PKIB: variants seen among roughly 807,000 people sequenced by gnomAD.
PKIB encodes PKI-beta.
PKIB carries 2 observed loss-of-function variants against 4.5 expected under a neutral mutation model. The observed-to-expected ratio is 0.44, with a 90% CI of 0.18 to 1.39. The LOEUF is 1.39. Among genes scored for constraint, PKIB ranks in the 40% most tolerant of loss-of-function variants. The pLI is 0.27. For missense variants in PKIB, 94 were observed against 92.6 expected (o/e 1.02, Z -0.06); for synonymous variants, 38 against 36.0 (o/e 1.06, Z -0.20).
intron 3 of PKIB, among the ~76,000 whole-genome samples, chr6:122,707,834 A>G (rs1396057425): frequency 6.6e-6 from 1 of 152,192 alleles, no homozygotes; most frequent in African/African-American, 2.4e-5. Flanking sequence ...CTGGCAGGTT[A>G]TGCACCAGAA....
chr6:122,503,829 C>T (rs1349092249), intron 2 of PKIB, among the ~76,000 whole-genome samples: 1 of 152,128 alleles, frequency 6.6e-6, no homozygotes, highest in Non-Finnish European at 1.5e-5. Flanking sequence ...ACTGGGGACT[C>T]TGACACCAAA....
intron 2 of PKIB, among the ~76,000 whole-genome samples, chr6:122,488,033 A>C (rs1355090529): frequency 6.6e-6 from 1 of 152,162 alleles, no homozygotes; most frequent in Non-Finnish European, 1.5e-5. Context: ...ATATGTTTTT[A>C]GACTGTAAAT....
chr6:122,699,225 A>G (rs1344619251), intron 3 of PKIB, among the ~76,000 whole-genome samples: 3 of 151,046 alleles, frequency 2.0e-5, no homozygotes, highest in Non-Finnish European at 4.4e-5. Context: ...CAATGTGCAC[A>G]TGTACCCTAA....
chr6:122,551,512 TC>T (rs1348309512), intron 2 of PKIB, among the ~76,000 whole-genome samples: 1 of 152,188 alleles, frequency 6.6e-6, no homozygotes, highest in African/African-American at 2.4e-5. Flanking sequence ...TGAACTTTCT[TC>T]TCCCACTAAG....
intron 3 of PKIB, among the ~76,000 whole-genome samples, chr6:122,601,753 T>C (rs1265437597): frequency 6.6e-6 from 1 of 152,174 alleles, no homozygotes; most frequent in African/African-American, 2.4e-5. Context: ...GCTTACTTTA[T>C]CAGTATATAG....
At chr6:122,677,878 CCTTCCTTCCTTCCTTTCTTT>C (rs1255898003) in intron 3 of PKIB, among the ~76,000 whole-genome samples, 20 of 105,174 alleles carry the variant, frequency 1.9e-4, no homozygotes, top group African/African-American at 6.1e-4. Context: ...TTCCTTCCTT[CCTTCCTTCCTTCCTTTCTTT>C]CTTTCTTTCC....
At chr6:122,556,011 G>A (rs1295581013) in intron 2 of PKIB, among the ~76,000 whole-genome samples, 1 of 152,128 alleles carries the variant, frequency 6.6e-6, no homozygotes, top group Admixed American at 6.5e-5. Context: ...GGTTCTGTGT[G>A]CCCACCCAAA....
intron 2 of PKIB, among the ~76,000 whole-genome samples, chr6:122,541,226 T>G (rs563876290): frequency 1.3e-5 from 2 of 152,152 alleles, no homozygotes; most frequent in Non-Finnish European, 2.9e-5. Flanking sequence ...CCTGTCATTA[T>G]GATGTTAGCT....
chr6:122,621,703 G>A (rs1775236244), intron 1 of PKIB, among the ~76,000 whole-genome samples: 1 of 152,220 alleles, frequency 6.6e-6, no homozygotes, highest in Admixed American at 6.5e-5. Context: ...AGGAGATGTA[G>A]CTGGAAATTT....
intron 1 of PKIB, among the ~76,000 whole-genome samples, chr6:122,477,039 C>T (rs562054225): frequency 3.2e-4 from 49 of 152,042 alleles, no homozygotes; most frequent in South Asian, 2.7e-3. Flanking sequence ...TTAAAAGAAA[C>T]GGATGAAATT....
intron 2 of PKIB, among the ~76,000 whole-genome samples, chr6:122,496,213 A>G (rs1198023946): frequency 1.3e-5 from 2 of 152,216 alleles, no homozygotes; most frequent in Non-Finnish European, 2.9e-5. Flanking sequence ...GGCATAGTAT[A>G]AAATCTGAAG....
In PKIB at chr6:122,516,462, C is replaced by T. The variant is rs189509649; in HGVS notation, c.-248+38523C>T. Reference sequence around the variant, plus strand: ...CACTTGTTCGAGTTCTTGCCTTCAACTTCCAAGACCTTTGTTGCCTACTGT... The same window carrying T: ...CACTTGTTCGAGTTCTTGCCTTCAATTTCCAAGACCTTTGTTGCCTACTGT... On this transcript the variant is annotated intron_variant, in intron 2 of 6. Coordinates refer to the PKIB transcript ENST00000392491. Among the ~76,000 whole-genome samples the T allele has an allele frequency of 8.2e-4, 125 of 152,332 alleles. 1 individual carries two copies. The highest frequency in any genetic ancestry group is 2.9e-3 in the African/African-American group (120 of 41,584).
intron 2 of PKIB, among the ~76,000 whole-genome samples, chr6:122,543,958 A>G (rs983176394): frequency 1.3e-5 from 2 of 151,978 alleles, no homozygotes; most frequent in African/African-American, 2.4e-5. Context: ...TATTGATAAT[A>G]TATATATATT....
intron 2 of PKIB, among the ~76,000 whole-genome samples, chr6:122,568,891 T>G (rs184820106): frequency 6.6e-6 from 1 of 152,146 alleles, no homozygotes; most frequent in African/African-American, 2.4e-5. Context: ...GTCTGAGTTC[T>G]GTGTGCAGAC....
intron 2 of PKIB, chr6:122,581,666 G>C (rs1405778547): frequency 6.6e-6 from 1 of 151,930 alleles, no homozygotes; most frequent in Non-Finnish European, 1.5e-5. Context: ...AACGTGCTTT[G>C]TTCTTTTAAT....
At chr6:122,638,579 G>T (rs192293510) in intron 2 of PKIB, among the ~76,000 whole-genome samples, 18 of 152,280 alleles carry the variant, frequency 1.2e-4, no homozygotes, top group African/African-American at 4.1e-4. Context: ...TTGCCCTTTT[G>T]TTTCAGGGCT....
At chr6:122,535,109 TA>T (rs1398380540) in intron 2 of PKIB, among the ~76,000 whole-genome samples, 1 of 152,162 alleles carries the variant, frequency 6.6e-6, no homozygotes, top group East Asian at 1.9e-4. Flanking sequence ...CTCTCTTCTT[TA>T]CATCTAACTG....
intron 2 of PKIB, among the ~76,000 whole-genome samples, chr6:122,540,165 T>A (rs1777548371): frequency 6.6e-6 from 1 of 152,120 alleles, no homozygotes; most frequent in South Asian, 2.1e-4. Flanking sequence ...AAGGGTTTTT[T>A]GTGTCTCTAT....
chr6:122,713,108 C>T (rs1221485300), intron 3 of PKIB, among the ~76,000 whole-genome samples: 1 of 151,880 alleles, frequency 6.6e-6, no homozygotes, highest in African/African-American at 2.4e-5. Context: ...ATATATATGA[C>T]TGTGTAATAG....
Sources: allele counts gnomAD v4.1 joint callset (sites outside exome capture counted in the v4.1 genomes callset), GRCh38; gene constraint gnomAD v4.1.1; transcripts MANE v1.5; gene names NCBI Gene and HGNC (gene_info 2026-07-23, HGNC 2026-07-21).